SNTG2: variants seen among roughly 807,000 people sequenced by gnomAD.
SNTG2 encodes the protein gamma-2-syntrophin.
SNTG2 carries 74 observed loss-of-function variants against 70.9 expected under a neutral mutation model. The ratio of observed to expected loss-of-function variants is 1.04; its 90% CI spans 0.86 to 1.27. The LOEUF (loss-of-function observed/expected upper bound fraction) is 1.27. SNTG2 is among the 50% of genes most tolerant of loss of function. The pLI is 0.00. For synonymous variants in SNTG2, 278 were observed against 273.8 expected (o/e 1.02, Z -0.15); for missense variants, 717 against 690.7 (o/e 1.04, Z -0.43).
chr2:1,066,897 A>G (rs1280496729), intron 1 of SNTG2, among the ~76,000 whole-genome samples: 3 of 151,958 alleles, frequency 2.0e-5, no homozygotes, highest in Admixed American at 6.6e-5. Flanking sequence ...TCAACTTCCA[A>G]TGGCGTCGCT....
intron 1 of SNTG2, among the ~76,000 whole-genome samples, chr2:1,005,306 G>A (rs1422282703): frequency 6.6e-6 from 1 of 152,016 alleles, no homozygotes; most frequent in East Asian, 1.9e-4. Context: ...AGTGAACCTT[G>A]GTGTAAACCA....
At chr2:1,145,631 A>G (rs1357052303) in intron 6 of SNTG2, among the ~76,000 whole-genome samples, 1 of 152,240 alleles carries the variant, frequency 6.6e-6, no homozygotes, top group Non-Finnish European at 1.5e-5. Flanking sequence ...ACATTACAGC[A>G]GAAATTATAC....
intron 1 of SNTG2, among the ~76,000 whole-genome samples, chr2:1,031,966 C>T (rs1390033103): frequency 2.0e-5 from 3 of 152,004 alleles, no homozygotes; most frequent in African/African-American, 7.3e-5. Flanking sequence ...GTGATGGTTG[C>T]ACAACTCTGT....
At chr2:1,011,184 C>T (rs930246261) in intron 1 of SNTG2, among the ~76,000 whole-genome samples, 5 of 152,180 alleles carry the variant, frequency 3.3e-5, no homozygotes, top group East Asian at 3.8e-4. Flanking sequence ...CCATTCTGAT[C>T]TAATCTCTAA....
At chr2:1,166,233 A>G (rs994230736) in intron 7 of SNTG2, among the ~76,000 whole-genome samples, 2 of 152,200 alleles carry the variant, frequency 1.3e-5, no homozygotes, top group Non-Finnish European at 2.9e-5. Flanking sequence ...AGAGGGCATC[A>G]CTGCCCTCTC....
chr2:953,835 C>A (rs1008704957), intron 1 of SNTG2, among the ~76,000 whole-genome samples: 3 of 152,158 alleles, frequency 2.0e-5, no homozygotes, highest in Non-Finnish European at 2.9e-5. Context: ...GTATGTGGAG[C>A]AACAGCTTCT....
At chr2:1,143,432 C>T (rs1313234893) in intron 6 of SNTG2, among the ~76,000 whole-genome samples, 2 of 152,042 alleles carry the variant, frequency 1.3e-5, no homozygotes, top group Non-Finnish European at 2.9e-5. Context: ...TTATCCAACA[C>T]TAAACTCTAC....
chr2:1,322,405 C>T (rs1368682269), intron 16 of SNTG2, among the ~76,000 whole-genome samples: 3 of 152,160 alleles, frequency 2.0e-5, no homozygotes, highest in Admixed American at 6.5e-5. Context: ...AGGTCAGGTG[C>T]GTCCTGGGAC....
Position 1,048,608 on chromosome 2 carries a change from C to T in SNTG2, c.73-34910C>T, listed in dbSNP as rs574651343. On this transcript the variant is annotated intron_variant, in intron 1 of 16. Transcript: ENST00000308624. ...GGACACTGGTGCTGTTATGTGGTCT[C>T]GGTTGTAGTAGATGACACTTTAAAC... Among the ~76,000 whole-genome samples, 6 of 152,136 alleles carry T rather than the reference C, an allele frequency of 3.9e-5. 1 individual carries two copies. The South Asian group carries it at 8.3e-4, about 21-fold the overall frequency.
At chr2:1,267,805 T>C (rs879324972) in intron 14 of SNTG2, among the ~76,000 whole-genome samples, 16 of 152,112 alleles carry the variant, frequency 1.1e-4, no homozygotes, top group Non-Finnish European at 1.6e-4. Context: ...TGTGTCTACA[T>C]TGAATGTGAG....
chr2:1,341,828 G>A (rs930018189), intron 16 of SNTG2: 1 of 146,344 alleles, frequency 6.8e-6, no homozygotes, highest in African/African-American at 2.6e-5. Flanking sequence ...TGCTCTTTTT[G>A]TTTCCTAATT....
chr2:1,090,797 A>T (rs1165417397), intron 2 of SNTG2, among the ~76,000 whole-genome samples: 1 of 152,096 alleles, frequency 6.6e-6, no homozygotes, highest in Non-Finnish European at 1.5e-5. Flanking sequence ...TTCCCTCACC[A>T]GTTGAGTCCA....
At chr2:1,291,126 G>A (rs745638176) in intron 14 of SNTG2, among the ~76,000 whole-genome samples, 72 of 152,088 alleles carry the variant, frequency 4.7e-4, no homozygotes, top group Non-Finnish European at 7.5e-4. Flanking sequence ...ATCTTTCCAC[G>A]TGCTGATGGG....
At chr2:1,229,741 C>T (rs1202065950) in intron 9 of SNTG2, among the ~76,000 whole-genome samples, 1 of 152,194 alleles carries the variant, frequency 6.6e-6, no homozygotes, top group Admixed American at 6.5e-5. Flanking sequence ...TAAGTCCTGC[C>T]CCGCCGGAAG....
At chr2:1,235,005 T>C (rs1572824754) in intron 9 of SNTG2, among the ~76,000 whole-genome samples, 1 of 152,224 alleles carries the variant, frequency 6.6e-6, no homozygotes, top group East Asian at 1.9e-4. Flanking sequence ...GAAGACACTG[T>C]CGTTAGTACA....
chr2:1,285,701 A>G (rs549085017), intron 14 of SNTG2, among the ~76,000 whole-genome samples: 4 of 152,350 alleles, frequency 2.6e-5, no homozygotes, highest in South Asian at 2.1e-4. Context: ...ATCTGGTCAC[A>G]TGGTCATAGC....
intron 14 of SNTG2, among the ~76,000 whole-genome samples, chr2:1,300,340 T>C (rs1409452181): frequency 6.6e-6 from 1 of 152,178 alleles, no homozygotes; most frequent in Non-Finnish European, 1.5e-5. Context: ...AGCTAAAGCG[T>C]TTTCTGCAGG....
intron 1 of SNTG2, among the ~76,000 whole-genome samples, chr2:1,017,938 T>C (rs1400725408): frequency 1.3e-5 from 2 of 152,214 alleles, no homozygotes; most frequent in Non-Finnish European, 2.9e-5. Context: ...TATTTTTCTT[T>C]AGGCTCTTCC....
chr2:1,222,125 GTCTCTCTCTGTCTC>G (rs1442902049), intron 9 of SNTG2, among the ~76,000 whole-genome samples: 1,401 of 76,288 alleles, frequency 0.018, 132 homozygotes, highest in Admixed American at 0.027. Context: ...GTCTCTCTCT[GTCTCTCTCTGTCTC>G]TCTCTGTCTC....
Sources: allele counts gnomAD v4.1 joint callset (sites outside exome capture counted in the v4.1 genomes callset), GRCh38; gene constraint gnomAD v4.1.1; transcripts MANE v1.5; gene names NCBI Gene and HGNC (gene_info 2026-07-23, HGNC 2026-07-21).